OSBPL8: variants seen among roughly 807,000 people sequenced by gnomAD.
The protein encoded by OSBPL8 is oxysterol binding protein like 8.
In OSBPL8, 59 loss-of-function variants were observed where a neutral mutation model predicts 125.5. The observed-to-expected ratio is 0.47, with a 90% CI of 0.38 to 0.58. The LOEUF is 0.58. Among genes scored for constraint, OSBPL8 ranks in the 20% least tolerant of loss-of-function variants. OSBPL8 has a pLI of 0.00. For synonymous variants in OSBPL8, 330 were observed against 338.9 expected, an observed-to-expected ratio of 0.97 and a Z score of 0.29; for missense variants, 758 against 1,047.8, an observed-to-expected ratio of 0.72 and a Z score of 3.82.
At chr12:76,459,160 A>G (rs1413715358) in intron 3 of OSBPL8, among the ~76,000 whole-genome samples, 1 of 152,184 alleles carries the variant, frequency 6.6e-6, no homozygotes, top group Non-Finnish European at 1.5e-5. Context: ...CTATAAAATT[A>G]ATGCTTCATT....
At chr12:76,443,947 T>C (rs948926942) in intron 4 of OSBPL8, among the ~76,000 whole-genome samples, 1 of 152,118 alleles carries the variant, frequency 6.6e-6, no homozygotes, top group African/African-American at 2.4e-5. Flanking sequence ...AGCCTTTGAA[T>C]AAGGAACACA....
chr12:76,513,361 C>A (rs187370587), intron 1 of OSBPL8, among the ~76,000 whole-genome samples: 1 of 152,162 alleles, frequency 6.6e-6, no homozygotes, highest in Admixed American at 6.5e-5. Context: ...TGATTGCTTT[C>A]GGAGTATGTT....
chr12:76,474,952 AAAACCT>A (rs1303542587), intron 2 of OSBPL8, among the ~76,000 whole-genome samples: 2 of 152,208 alleles, frequency 1.3e-5, no homozygotes, highest in Non-Finnish European at 2.9e-5. Context: ...CAACTTAATG[AAAACCT>A]ACTAAGCTGA....
chr12:76,438,303 CTTT>C (rs1011776823), intron 4 of OSBPL8, among the ~76,000 whole-genome samples: 8 of 130,584 alleles, frequency 6.1e-5, no homozygotes, highest in Admixed American at 7.7e-5. Flanking sequence ...TTCTTAATAA[CTTT>C]TTTTTTTTTT....
intron 1 of OSBPL8, among the ~76,000 whole-genome samples, chr12:76,511,674 T>C (rs1271982449): frequency 4.6e-5 from 7 of 152,238 alleles, no homozygotes; most frequent in Admixed American, 2.6e-4. Flanking sequence ...TTCTACAGGT[T>C]GTCTGTTTAC....
intron 15 of OSBPL8, among the ~76,000 whole-genome samples, chr12:76,380,722 C>T (rs1953010652): frequency 6.6e-6 from 1 of 152,070 alleles, no homozygotes; most frequent in Admixed American, 6.6e-5. Context: ...TCCTTTCAAT[C>T]TGTATGCTAT....
intron 16 of OSBPL8, among the ~76,000 whole-genome samples, 191 bp from the exon 17 acceptor site, chr12:76,375,561 A>G (rs1431498591): frequency 6.6e-6 from 1 of 152,112 alleles, no homozygotes; most frequent in African/African-American, 2.4e-5. Flanking sequence ...CCTGATTCAC[A>G]TTATGTGCAG....
chr12:76,385,744 A>C (rs1410508969), intron 14 of OSBPL8, among the ~76,000 whole-genome samples: 2 of 152,114 alleles, frequency 1.3e-5, no homozygotes, highest in African/African-American at 4.8e-5. Context: ...CATGAACTGC[A>C]CAGGTTTGAC....
Position 76,385,991 on chromosome 12 carries a change from C to T in OSBPL8, c.1533+177G>A, listed in dbSNP as rs971368401. The T allele has an allele frequency of 6.1e-6, 5 of 822,160 alleles. No individual in the cohort carries two copies. In the African/African-American group the frequency reaches 7.2e-5, roughly 12 times the overall value. The allele number at this position is 822,160 out of a possible 1,614,324, so 50.9% of individuals were successfully genotyped here. A position where few individuals can be genotyped will look rare whatever the true frequency, so the allele number is the denominator to read the frequency against. On this transcript the variant is annotated intron_variant, in intron 14 of 23. Transcript: ENST00000261183. ...GATTCCATGACTGTAATAATAGTACCTATGAATATATTTAGTAGTACTTTA... is the reference window on the plus strand; with the variant it reads ...GATTCCATGACTGTAATAATAGTACTTATGAATATATTTAGTAGTACTTTA...
Position 76,399,885 on chromosome 12 carries a change from A to G in OSBPL8, c.456T>C (p.Ala152=). ...AAAACACACTGACCTTTAACCAATCAGCCATAACAATAACAGAAGGATCTG... is the reference window on the plus strand; with the variant it reads ...AAAACACACTGACCTTTAACCAATCGGCCATAACAATAACAGAAGGATCTG... ...TITDPSVIVM[A]DWLKIRGTLK... is the part of the protein sequence containing the mutation. Residue 152 remains alanine (A), a synonymous_variant, in exon 7 of 24, where the codon GCT becomes GCC. Transcript: ENST00000261183. 6.3e-7 allele frequency: 1 copy of G among 1,596,408 alleles called. No individual in the cohort carries two copies. The highest frequency in any genetic ancestry group is 1.2e-5 in the South Asian group (1 of 86,234).
At position 76,369,611 on chromosome 12, in the gene OSBPL8, G is replaced by T. The variant is rs1205515809; in HGVS notation, c.2240+26C>A. ...AACAAACCATGCTAATACATTGTTTGAAATAAACTATTTTAAGTTACTTAC... is the reference window on the plus strand; with the variant it reads ...AACAAACCATGCTAATACATTGTTTTAAATAAACTATTTTAAGTTACTTAC... On this transcript the variant is annotated intron_variant, in intron 20 of 23. Coordinates refer to ENST00000261183, the MANE Select transcript of OSBPL8 (RefSeq NM_020841.5). 5.6e-6 allele frequency: 9 copies of T among 1,594,638 alleles called. No homozygotes were observed. The Admixed American group carries it at 8.4e-5, about 15-fold the overall frequency.
At chr12:76,381,886 C>T (rs1953071919) in intron 15 of OSBPL8, among the ~76,000 whole-genome samples, 1 of 152,110 alleles carries the variant, frequency 6.6e-6, no homozygotes, top group East Asian at 1.9e-4. Context: ...AGGTGTACAC[C>T]ACCATGCCCA....
chr12:76,419,114 T>C (rs1869127545), intron 4 of OSBPL8, among the ~76,000 whole-genome samples: 1 of 151,974 alleles, frequency 6.6e-6, no homozygotes, highest in Non-Finnish European at 1.5e-5. Context: ...TACATGCCTG[T>C]AGTCTCAGCT....
At chr12:76,360,484 T>C (rs1411405720) in intron 21 of OSBPL8, among the ~76,000 whole-genome samples, 1 of 152,176 alleles carries the variant, frequency 6.6e-6, no homozygotes, top group East Asian at 1.9e-4. Context: ...CAGTGCAAGC[T>C]GTTGGTGGAT....
At chr12:76,371,223 T>G (rs55664405) in intron 19 of OSBPL8, 2 of 378,816 alleles carry the variant, frequency 5.3e-6, no homozygotes, top group African/African-American at 2.1e-5. Flanking sequence ...GCTGGAACAA[T>G]TGAGAAAGAA....
chr12:76,469,250 C>T (rs1229332967), intron 2 of OSBPL8, among the ~76,000 whole-genome samples: 2 of 152,182 alleles, frequency 1.3e-5, no homozygotes, highest in East Asian at 3.8e-4. Flanking sequence ...TTAACCACTC[C>T]TGAGCTGCAG....
intron 4 of OSBPL8, among the ~76,000 whole-genome samples, chr12:76,444,278 T>A (rs1379716806): frequency 6.6e-6 from 1 of 152,194 alleles, no homozygotes; most frequent in Non-Finnish European, 1.5e-5. Context: ...GGCATTTAAC[T>A]CTCTTTACAA....
At chr12:76,390,099 T>C (rs1276203501) in intron 11 of OSBPL8, 7 of 410,870 alleles carry the variant, frequency 1.7e-5, no homozygotes, top group Non-Finnish European at 2.6e-5. Context: ...ACTTCTATGA[T>C]GCACTGGCAA....
chr12:76,517,998 C>A (rs1192623155), intron 1 of OSBPL8, among the ~76,000 whole-genome samples: 7 of 152,188 alleles, frequency 4.6e-5, no homozygotes, highest in Admixed American at 4.6e-4. Context: ...TATCATTCTG[C>A]TGGCGCCACT....
Sources: gnomAD v4.1 joint callset for allele counts (sites outside exome capture counted in the v4.1 genomes callset) on GRCh38, gnomAD v4.1.1 for gene constraint, MANE v1.5 for transcripts, NCBI Gene and HGNC (gene_info 2026-07-23, HGNC 2026-07-21) for gene names.